GNAL: variants seen among roughly 807,000 people sequenced by gnomAD.
The protein encoded by GNAL is G protein subunit alpha L.
In GNAL, 18 loss-of-function variants were observed where a neutral mutation model predicts 55.1. That is an observed-to-expected ratio of 0.33 (90% CI 0.23 to 0.48). The LOEUF (loss-of-function observed/expected upper bound fraction) is 0.48, where lower values mean the gene tolerates loss of function less well. Ranked by LOEUF, GNAL falls within the 20% of genes least tolerant of loss-of-function variation. The pLI is 0.99. For missense variants in GNAL, 412 were observed against 614.1 expected (o/e 0.67, Z 3.48); for synonymous variants, 253 against 237.0 (o/e 1.07, Z -0.62).
intron 1 of GNAL, among the ~76,000 whole-genome samples, chr18:11,710,959 C>T (rs1486947457): frequency 1.3e-5 from 2 of 150,952 alleles, no homozygotes; most frequent in Non-Finnish European, 3.0e-5. Context: ...CACTGCAAGC[C>T]CCACCTCCCG....
intron 1 of GNAL, among the ~76,000 whole-genome samples, chr18:11,694,304 C>T (rs1475177415): frequency 6.6e-6 from 1 of 152,176 alleles, no homozygotes; most frequent in Non-Finnish European, 1.5e-5. Flanking sequence ...TCATGGAGCA[C>T]TGGGGTACAT....
chr18:11,689,904 G>A lies in GNAL; in HGVS notation c.341G>A (p.Arg114His), dbSNP rs770117477. ...GIDRMLRDQK[R>H]DLQQTHRLLL... ...GACCGCATGCTGCGCGACCAGAAGC[G>A]CGACCTGCAGCAGACGCACCGGCTC... The change falls in exon 1 of 12, where the codon CGC (arginine) becomes CAC (histidine). Residue 114 changes from arginine to histidine, a missense_variant. Around this residue, in one of 5 missense-constraint regions of GNAL, gnomAD observed 228 missense variants for 194.8 expected, o/e 1.17. Coordinates refer to ENST00000334049, the MANE Select transcript of GNAL (RefSeq NM_182978.4). 3.1e-5 allele frequency: 45 copies of A among 1,462,746 alleles called. No individual in the cohort carries two copies. The highest frequency in any genetic ancestry group is 4.0e-5 in the Non-Finnish European group (44 of 1,105,860). The allele number at this position is 1,462,746 out of a possible 1,614,324, so 90.6% of individuals were successfully genotyped here.
intron 4 of GNAL, among the ~76,000 whole-genome samples, chr18:11,775,957 G>A (rs2033770611): frequency 6.6e-6 from 1 of 152,194 alleles, no homozygotes; most frequent in African/African-American, 2.4e-5. Flanking sequence ...GTCATTAACT[G>A]GGATGTTTGC....
intron 6 of GNAL, among the ~76,000 whole-genome samples, chr18:11,863,686 G>C (rs1236605564): frequency 3.9e-5 from 6 of 152,202 alleles, no homozygotes; most frequent in African/African-American, 1.4e-4. Context: ...AAATGTACCA[G>C]GGATGCCAGC....
At position 11,884,560 on chromosome 18, in the gene GNAL, A is replaced by G. The variant is rs1433484969; in HGVS notation, c.*3425A>G. 1 of 1,613,944 alleles carries G rather than the reference A, an allele frequency of 6.2e-7. No individual in the cohort carries two copies. The highest frequency in any genetic ancestry group is 8.5e-7 in the Non-Finnish European group (1 of 1,180,046). On this transcript the variant is annotated 3_prime_UTR_variant, in exon 12 of 12. Coordinates refer to ENST00000334049, the MANE Select transcript of GNAL (RefSeq NM_182978.4). ...GAAGCCCACCACTCCACAGTAGATG[A>G]TCAAAACCACATCCTCACGTGGGAG...
chr18:11,841,975 A>AT (rs918962032), intron 5 of GNAL, among the ~76,000 whole-genome samples: 2,218 of 145,204 alleles, frequency 0.015, 84 homozygotes, highest in East Asian at 0.084. Flanking sequence ...TTTAGTTCAG[A>AT]TTTTTTTTTT....
intron 7 of GNAL, among the ~76,000 whole-genome samples, chr18:11,866,204 G>T (rs973345237): frequency 4.0e-5 from 6 of 150,262 alleles, no homozygotes; most frequent in Non-Finnish European, 8.8e-5. Flanking sequence ...TCTCACATCT[G>T]TGATTTTGTT....
chr18:11,760,116 C>G (rs370213226), intron 4 of GNAL, among the ~76,000 whole-genome samples: 17 of 152,226 alleles, frequency 1.1e-4, no homozygotes, highest in African/African-American at 3.9e-4. Context: ...CTCCCCGCAG[C>G]TCGCTCTTGG....
intron 4 of GNAL, among the ~76,000 whole-genome samples, chr18:11,822,809 TTTTTTTTTTTC>T (rs1568043085): frequency 6.1e-5 from 1 of 16,422 alleles, no homozygotes; most frequent in African/African-American, 9.2e-5. Context: ...ATTGTTTTTC[TTTTTTTTTTTC>T]TTTTTTTTTT....
chr18:11,769,038 A>AATATATAAT (rs1394513242), intron 4 of GNAL, among the ~76,000 whole-genome samples: 2 of 89,524 alleles, frequency 2.2e-5, no homozygotes, highest in Non-Finnish European at 4.4e-5. Flanking sequence ...TATTATATAT[A>AATATATAAT]ATATATAATA....
intron 4 of GNAL, among the ~76,000 whole-genome samples, chr18:11,792,116 C>T (rs1207505320): frequency 6.6e-6 from 1 of 152,124 alleles, no homozygotes; most frequent in Admixed American, 6.6e-5. Flanking sequence ...CTAATTGGCA[C>T]CATAGCTTTG....
At chr18:11,758,413 C>G (rs558342915) in intron 4 of GNAL, among the ~76,000 whole-genome samples, 1 of 152,106 alleles carries the variant, frequency 6.6e-6, no homozygotes, top group Non-Finnish European at 1.5e-5. Context: ...ACCTCGAGCT[C>G]ACGTGATACA....
At chr18:11,848,646 G>A (rs1175708785) in intron 5 of GNAL, among the ~76,000 whole-genome samples, 1 of 151,668 alleles carries the variant, frequency 6.6e-6, no homozygotes, top group African/African-American at 2.4e-5. Context: ...TAGTAGAGAC[G>A]GGCTTTCCCC....
At chr18:11,830,796 G>C (rs556747126) in intron 5 of GNAL, among the ~76,000 whole-genome samples, 1 of 152,190 alleles carries the variant, frequency 6.6e-6, no homozygotes, top group African/African-American at 2.4e-5. Flanking sequence ...ACTCGGCAAT[G>C]AAAAGGAATA....
chr18:11,879,003 G>GT (rs1365886843), intron 11 of GNAL, among the ~76,000 whole-genome samples: 2 of 151,768 alleles, frequency 1.3e-5, no homozygotes, highest in Admixed American at 6.6e-5. Flanking sequence ...TACACCTAAT[G>GT]TAAATGACGA....
At chr18:11,691,280 G>C (rs1038228376) in intron 1 of GNAL, among the ~76,000 whole-genome samples, 1 of 151,042 alleles carries the variant, frequency 6.6e-6, no homozygotes, top group Non-Finnish European at 1.5e-5. Context: ...GTCTGTTCAT[G>C]TCCTTTGCCC....
intron 9 of GNAL, among the ~76,000 whole-genome samples, chr18:11,870,598 G>A (rs907136192): frequency 2.0e-5 from 3 of 152,116 alleles, no homozygotes; most frequent in East Asian, 1.9e-4. Flanking sequence ...ATAACTAGAT[G>A]ATCTCTAAGA....
At chr18:11,754,251 C>T (rs189860208) in intron 4 of GNAL, among the ~76,000 whole-genome samples, 26 of 151,968 alleles carry the variant, frequency 1.7e-4, no homozygotes, top group Non-Finnish European at 1.5e-5. Context: ...CCCATCTCTA[C>T]GAAAAATACA....
chr18:11,694,871 C>T (rs562915344), intron 1 of GNAL, among the ~76,000 whole-genome samples: 2 of 152,288 alleles, frequency 1.3e-5, no homozygotes, highest in Admixed American at 6.5e-5. Flanking sequence ...GGCTTGCAAA[C>T]GGCCACGTTC....
Sources: allele counts gnomAD v4.1 joint callset (sites outside exome capture counted in the v4.1 genomes callset), GRCh38; gene constraint gnomAD v4.1.1; regional missense constraint gnomAD v4.1.1; transcripts MANE v1.5; gene names NCBI Gene and HGNC (gene_info 2026-07-23, HGNC 2026-07-21).